The following TRPM3 variants were observed in gnomAD, a reference collection of about 807,000 sequenced individuals.
TRPM3 encodes the protein long transient receptor potential channel 3.
A neutral mutation model predicts 181.2 loss-of-function variants in TRPM3; 77 were observed. The observed-to-expected ratio is 0.42, with a 90% CI of 0.35 to 0.51. The LOEUF is 0.51. Among genes scored for constraint, TRPM3 ranks in the 20% least tolerant of loss-of-function variants. TRPM3 has a pLI of 0.01. For missense variants in TRPM3, 1,759 were observed against 2,196.7 expected (o/e 0.80, Z 3.98); for synonymous variants, 745 against 796.4 (o/e 0.94, Z 1.09).
At chr9:71,439,337 A>T (rs1300540344) in intron 1 of TRPM3, among the ~76,000 whole-genome samples, 1 of 152,236 alleles carries the variant, frequency 6.6e-6, no homozygotes, top group Non-Finnish European at 1.5e-5. Context: ...AGTCTAGTCA[A>T]CACCAATATT....
At chr9:70,980,876 T>C (rs1344975338) in intron 1 of TRPM3, among the ~76,000 whole-genome samples, 1 of 152,198 alleles carries the variant, frequency 6.6e-6, no homozygotes, top group African/African-American at 2.4e-5. Flanking sequence ...TGTTATTGAC[T>C]CTTCTCCCCA....
chr9:71,315,779 T>G (rs761990600), intron 1 of TRPM3, among the ~76,000 whole-genome samples: 16 of 152,202 alleles, frequency 1.1e-4, no homozygotes, highest in Non-Finnish European at 2.2e-4. Context: ...TAAGTTTTTG[T>G]GACAACTGGG....
chr9:71,343,095 T>C (rs1344566147), intron 1 of TRPM3, among the ~76,000 whole-genome samples: 1 of 151,282 alleles, frequency 6.6e-6, no homozygotes, highest in Non-Finnish European at 1.5e-5. Flanking sequence ...GGGCTTAGAG[T>C]AGGGAAGGGA....
intron 8 of TRPM3, among the ~76,000 whole-genome samples, chr9:70,750,829 A>G (rs1248064360): frequency 6.6e-6 from 1 of 152,158 alleles, no homozygotes; most frequent in African/African-American, 2.4e-5. Flanking sequence ...AACTTGAAGT[A>G]ATGACGAGAC....
chr9:70,983,936 G>A (rs1418085957), intron 1 of TRPM3, among the ~76,000 whole-genome samples: 1 of 152,136 alleles, frequency 6.6e-6, no homozygotes, highest in African/African-American at 2.4e-5. Flanking sequence ...TTCCTGGGGT[G>A]GTTACTGCAG....
upstream of TRPM3, among the ~76,000 whole-genome samples, chr9:71,123,975 G>T (rs1587499443): frequency 6.6e-6 from 1 of 152,112 alleles, no homozygotes; most frequent in Admixed American, 6.6e-5. Context: ...TAATTTTACT[G>T]AATAACTTTG....
In TRPM3 at chr9:70,535,672, A is replaced by T; in HGVS notation, c.*281T>A. On this transcript the variant is annotated 3_prime_UTR_variant, in exon 26 of 26. Transcript: ENST00000677713. ...TCATGGCTTTCTGCTGTGACTGCGGATACACATTCATCTCTAACCCTTCCT... is the reference window on the plus strand; with the variant it reads ...TCATGGCTTTCTGCTGTGACTGCGGTTACACATTCATCTCTAACCCTTCCT... The T allele has an allele frequency of 6.9e-7, 1 of 1,440,242 alleles. No homozygotes were observed. The highest frequency in any genetic ancestry group is 9.1e-7 in the Non-Finnish European group (1 of 1,104,968). 89.2% of individuals were successfully genotyped at this position (1,440,242 alleles called of 1,614,324 possible). A position where few individuals can be genotyped will look rare whatever the true frequency, so the allele number is the denominator to read the frequency against.
At chr9:71,028,026 G>A (rs1485542959) in intron 1 of TRPM3, among the ~76,000 whole-genome samples, 1 of 152,020 alleles carries the variant, frequency 6.6e-6, no homozygotes, top group Non-Finnish European at 1.5e-5. Context: ...GATTCTCCAA[G>A]GTAGAAAAGA....
intron 9 of TRPM3, among the ~76,000 whole-genome samples, chr9:70,654,686 G>GTTTTT (rs112874508): frequency 2.1e-5 from 3 of 142,258 alleles, no homozygotes; most frequent in Non-Finnish European, 3.1e-5. Context: ...GCACTCTGTA[G>GTTTTT]TTTTTTTTTT....
intron 1 of TRPM3, among the ~76,000 whole-genome samples, chr9:71,111,393 T>A: frequency 6.6e-6 from 1 of 152,178 alleles, no homozygotes; most frequent in East Asian, 1.9e-4. Context: ...TGTTGCCAAC[T>A]GGGGGTGATT....
chr9:71,278,130 C>T (rs919745197), intron 1 of TRPM3, among the ~76,000 whole-genome samples: 1 of 152,174 alleles, frequency 6.6e-6, no homozygotes, highest in African/African-American at 2.4e-5. Flanking sequence ...ATGGGAAAAT[C>T]CTGATCAATT....
At chr9:71,017,373 A>G (rs529625173) in intron 1 of TRPM3, among the ~76,000 whole-genome samples, 58 of 152,130 alleles carry the variant, frequency 3.8e-4, no homozygotes, top group African/African-American at 1.4e-3. Flanking sequence ...AATGGACAAA[A>G]ATTAAAAGAC....
chr9:71,214,074 C>T (rs1490754552), intron 1 of TRPM3, among the ~76,000 whole-genome samples: 3 of 152,236 alleles, frequency 2.0e-5, no homozygotes, highest in African/African-American at 7.2e-5. Flanking sequence ...ACCACTGTCT[C>T]AAAACTCCTT....
intron 7 of TRPM3, among the ~76,000 whole-genome samples, chr9:70,780,659 C>T (rs117114542): frequency 6.6e-6 from 1 of 151,962 alleles, no homozygotes; most frequent in African/African-American, 2.4e-5. Flanking sequence ...TGATTAAATT[C>T]TTGAAGTTAT....
intron 18 of TRPM3, 145 bp downstream of exon 18, chr9:70,615,763 G>A (rs2062691790): frequency 1.2e-6 from 1 of 800,506 alleles, no homozygotes; most frequent in Non-Finnish European, 2.0e-6. Flanking sequence ...TCTCAATACT[G>A]AAATGAAAGC....
At chr9:70,756,489 A>C (rs1180119996) in intron 8 of TRPM3, among the ~76,000 whole-genome samples, 1 of 152,170 alleles carries the variant, frequency 6.6e-6, no homozygotes, top group Non-Finnish European at 1.5e-5. Context: ...TGGACCAAGC[A>C]GACCTAATAG....
rs566422884 is a variant in TRPM3 at position 71,283,528 on chromosome 9, T to C, written c.183+163125A>G. Reference sequence around the variant, plus strand: ...ACCGTGTTAGCCAGGATGGTCTCAATCTCCTGACCTCGTGATCCCCCGCCT... The same window carrying C: ...ACCGTGTTAGCCAGGATGGTCTCAACCTCCTGACCTCGTGATCCCCCGCCT... On this transcript the variant is annotated intron_variant, in intron 1 of 24. Transcript: ENST00000357533. Among the ~76,000 whole-genome samples the C allele has an allele frequency of 2.0e-5, 3 of 152,186 alleles. No individual in the cohort carries two copies. In the East Asian group the frequency reaches 5.8e-4, roughly 29 times the overall value.
At chr9:70,588,039 G>T (rs1464822291) in intron 22 of TRPM3, among the ~76,000 whole-genome samples, 1 of 152,110 alleles carries the variant, frequency 6.6e-6, no homozygotes, top group African/African-American at 2.4e-5. Flanking sequence ...TCTCCACAGA[G>T]AACTTAGATT....
chr9:70,642,604 A>G (rs752818709), intron 9 of TRPM3, among the ~76,000 whole-genome samples: 2 of 152,152 alleles, frequency 1.3e-5, no homozygotes, highest in Non-Finnish European at 2.9e-5. Flanking sequence ...CCAGGCGCGG[A>G]TATTTTTAAA....
Sources: gnomAD v4.1 joint callset for allele counts (sites outside exome capture counted in the v4.1 genomes callset) on GRCh38, gnomAD v4.1.1 for gene constraint, MANE v1.5 for transcripts, NCBI Gene and HGNC (gene_info 2026-07-23, HGNC 2026-07-21) for gene names.